The following ABHD2 variants were observed in gnomAD, a reference collection of about 807,000 sequenced individuals.
ABHD2 encodes monoacylglycerol lipase ABHD2.
A neutral mutation model predicts 48.1 loss-of-function variants in ABHD2; 20 were observed. The ratio of observed to expected loss-of-function variants is 0.42; its 90% CI spans 0.29 to 0.60. The LOEUF (loss-of-function observed/expected upper bound fraction) is 0.60. Among genes scored for constraint, ABHD2 ranks in the 20% least tolerant of loss-of-function variants. The pLI is 0.24. For synonymous variants in ABHD2, 209 were observed against 214.2 expected, an observed-to-expected ratio of 0.98 and a Z score of 0.21; for missense variants, 405 against 550.9, an observed-to-expected ratio of 0.74 and a Z score of 2.65.
rs984491786 is a variant in ABHD2 at position 89,176,120 on chromosome 15, A to C, written c.722+125A>C. ...GTGGCCGACTGAGTAGAAGTTTCTG[A>C]GTCTTGGACTCACCTTGTTTTGTCT... On this transcript the variant is annotated intron_variant, in intron 6 of 10. Transcript: ENST00000352732. This position sits in a 1 kb window ranked among gnomAD's most constrained non-coding sequence, Gnocchi z 4.5. 30 of 1,034,848 alleles carry C rather than the reference A, an allele frequency of 2.9e-5. No individual in the cohort carries two copies. The highest frequency in any genetic ancestry group is 3.8e-5 in the Non-Finnish European group (28 of 727,368). 64.1% of individuals were successfully genotyped at this position (1,034,848 alleles called of 1,614,324 possible).
Position 89,201,106 on chromosome 15 carries a change from G to A in ABHD2, c.*5683G>A. 9.6e-7 allele frequency: 1 copy of A among 1,040,474 alleles called. No individual in the cohort carries two copies. Among genetic ancestry groups the A allele is most frequent in the Non-Finnish European group, 1.5e-6 (1 of 660,498 alleles). 64.5% of individuals were successfully genotyped at this position (1,040,474 alleles called of 1,614,324 possible). On this transcript the variant is annotated 3_prime_UTR_variant, in exon 11 of 11. Transcript: ENST00000352732. ...TCCAAAAAAAGAAAAGGAATCCAGT[G>A]AAAATGGCTGCAATTACAACAAGAA...
In ABHD2 at chr15:89,131,146, C is replaced by T. The variant is rs180718264; in HGVS notation, c.194+14625C>T. On this transcript the variant is annotated intron_variant, in intron 3 of 10. Coordinates refer to ENST00000352732, the MANE Select transcript of ABHD2 (RefSeq NM_152924.5). ...TTCCTAAAGCACAAATTCATCATGC[C>T]ATGCCCCTGCTTTAAACCAAGTGGC... Among the ~76,000 whole-genome samples the T allele has an allele frequency of 3.3e-5, 5 of 152,314 alleles. No homozygotes were observed. In the East Asian group the frequency reaches 9.6e-4, roughly 29 times the overall value.
chr15:89,157,820 G>A (rs566468466), intron 5 of ABHD2, among the ~76,000 whole-genome samples: 88 of 152,086 alleles, frequency 5.8e-4, no homozygotes, highest in African/African-American at 2.1e-3. Flanking sequence ...TCCAGCCTTG[G>A]TGACAGAGTG....
At chr15:89,079,831 C>T in the ABHD2 span, among the ~76,000 whole-genome samples, 1 of 152,134 alleles carries the variant, frequency 6.6e-6, no homozygotes, top group African/African-American at 2.4e-5. The surrounding 1 kb of genome is among the most constrained non-coding windows in gnomAD (Gnocchi z 4.3). Context: ...TAGGTGAAGC[C>T]GAGAACACGG....
At chr15:89,115,267 A>G (rs543001724) in intron 2 of ABHD2, among the ~76,000 whole-genome samples, 3 of 152,158 alleles carry the variant, frequency 2.0e-5, no homozygotes, top group South Asian at 4.2e-4. Context: ...TTTAAGGTTA[A>G]CAGCTGATGT....
the ABHD2 span, among the ~76,000 whole-genome samples, chr15:89,068,191 C>T: frequency 1.9e-3 from 104 of 54,002 alleles, no homozygotes; most frequent in Non-Finnish European, 3.1e-3. Flanking sequence ...CACACATGTG[C>T]GCGTGCACAC....
rs556426311 is a variant in ABHD2 at position 89,189,539 on chromosome 15, C to G, written c.926+1236C>G. Among the ~76,000 whole-genome samples, 1 of 152,314 alleles carries G rather than the reference C, an allele frequency of 6.6e-6. No individual in the cohort carries two copies. The highest frequency in any genetic ancestry group is 2.1e-4 in the South Asian group (1 of 4,830). On this transcript the variant is annotated intron_variant, in intron 8 of 10. Coordinates refer to ENST00000352732, the MANE Select transcript of ABHD2 (RefSeq NM_152924.5). This position sits in a 1 kb window ranked among gnomAD's most constrained non-coding sequence, Gnocchi z 4.9. ...AATTATTTGATATTTTTAGATGTAG[C>G]TTAAAGCAAGCAATTATTCTTCATC...
rs538148236 is a variant in ABHD2, at chr15:89,177,296, C to T, written c.722+1301C>T. On this transcript the variant is annotated intron_variant, in intron 6 of 10. Coordinates refer to ENST00000352732, the MANE Select transcript of ABHD2 (RefSeq NM_152924.5). This position sits in a 1 kb window ranked among gnomAD's most constrained non-coding sequence, Gnocchi z 5.6. The stretch of plus-strand genomic sequence containing the variant: ...AGCACGCAGAACGTAAGCCACTGTT[C>T]ATTTTCATTATCGTCATCATCGTCA... Among the ~76,000 whole-genome samples, 4 of 152,320 alleles carry T rather than the reference C, an allele frequency of 2.6e-5. No homozygotes were observed. In the South Asian group the frequency reaches 8.3e-4, roughly 32 times the overall value.
chr15:89,116,218 C>A lies in ABHD2; in HGVS notation c.-6-104C>A. The A allele has an allele frequency of 9.4e-7, 1 of 1,068,040 alleles. No homozygotes were observed. The highest frequency in any genetic ancestry group is 1.4e-6 in the Non-Finnish European group (1 of 731,506). The allele number at this position is 1,068,040 out of a possible 1,614,324, so 66.2% of individuals were successfully genotyped here. ...GCGGAAACATCTGAATTGTGACACA[C>A]CGTCACTGGCAGTATCTCTTAGCCC... On this transcript the variant is annotated intron_variant, in intron 2 of 10. Transcript: ENST00000352732. The surrounding 1 kb of genome is among the most constrained non-coding windows in gnomAD (Gnocchi z 4.6).
intron 1 of ABHD2, chr15:89,103,959 G>A (rs1159164945): frequency 6.6e-6 from 1 of 152,224 alleles, no homozygotes; most frequent in Non-Finnish European, 1.5e-5. Context: ...TGTCTCCTAA[G>A]ACTTGGTCAC....
intron 1 of ABHD2, among the ~76,000 whole-genome samples, chr15:89,107,365 A>T (rs975111812): frequency 6.6e-6 from 1 of 152,122 alleles, no homozygotes; most frequent in Admixed American, 6.5e-5. Flanking sequence ...TTTTAAACTC[A>T]TTGGAGGAGG....
In ABHD2 at chr15:89,106,974, T is replaced by G. The variant is rs1021916077; in HGVS notation, c.-106-6751T>G. On this transcript the variant is annotated intron_variant, in intron 1 of 10. Coordinates refer to ENST00000352732, the MANE Select transcript of ABHD2 (RefSeq NM_152924.5). This position sits in a 1 kb window ranked among gnomAD's most constrained non-coding sequence, Gnocchi z 4.2. The stretch of plus-strand genomic sequence containing the variant: ...AGACCATGTTTTTGGGGTGGTGTGC[T>G]GTGGCCTTCTGCTGTCCTTCTCCTG... Among the ~76,000 whole-genome samples the G allele has an allele frequency of 6.6e-6, 1 of 152,200 alleles. No homozygotes were observed. Among genetic ancestry groups the G allele is most frequent in the Non-Finnish European group, 1.5e-5 (1 of 68,026 alleles).
chr15:89,201,104 G>T lies in ABHD2; in HGVS notation c.*5681G>T, dbSNP rs2150964549. 9.7e-7 allele frequency: 1 copy of T among 1,031,304 alleles called. No homozygotes were observed. The highest frequency in any genetic ancestry group is 1.5e-6 in the Non-Finnish European group (1 of 651,550). 63.9% of individuals were successfully genotyped at this position (1,031,304 alleles called of 1,614,324 possible). A position where few individuals can be genotyped will look rare whatever the true frequency, so the allele number is the denominator to read the frequency against. ...TCTCCAAAAAAAGAAAAGGAATCCA[G>T]TGAAAATGGCTGCAATTACAACAAG... On this transcript the variant is annotated 3_prime_UTR_variant, in exon 11 of 11. Coordinates refer to ENST00000352732, the MANE Select transcript of ABHD2 (RefSeq NM_152924.5).
chr15:89,099,755 T>C (rs1369360443), intron 1 of ABHD2, among the ~76,000 whole-genome samples: 1 of 151,680 alleles, frequency 6.6e-6, no homozygotes, highest in Admixed American at 6.6e-5. Flanking sequence ...AATATAAAAC[T>C]AAGCTGGGCA....
chr15:89,193,198 A>G (rs762945395), intron 9 of ABHD2, 37 bp from the exon 10 acceptor site: 2 of 1,595,064 alleles, frequency 1.3e-6, no homozygotes, highest in East Asian at 4.5e-5. Context: ...GAAAATGGGA[A>G]TCAGTAGTTT....
At chr15:89,043,098 T>C in the ABHD2 span, among the ~76,000 whole-genome samples, 2 of 152,206 alleles carry the variant, frequency 1.3e-5, no homozygotes, top group African/African-American at 4.8e-5. Context: ...CCCTTCACCA[T>C]TCTGACAAAT....
At chr15:89,086,509 G>T (rs1187776804), upstream of ABHD2, among the ~76,000 whole-genome samples, 3 of 151,988 alleles carry the variant, frequency 2.0e-5, no homozygotes, top group South Asian at 2.1e-4. Flanking sequence ...CAACTTCCTG[G>T]GCTCAAACAA....
chr15:89,057,850 A>C, the ABHD2 span, among the ~76,000 whole-genome samples: 1 of 152,126 alleles, frequency 6.6e-6, no homozygotes, highest in Admixed American at 6.5e-5. Flanking sequence ...AAGAAAACGA[A>C]GATAGATTCA....
the ABHD2 span, among the ~76,000 whole-genome samples, chr15:89,060,291 A>G: frequency 6.6e-6 from 1 of 151,518 alleles, no homozygotes; most frequent in Non-Finnish European, 1.5e-5. Flanking sequence ...GGGTTTCACC[A>G]TATTAGTCAG....
Sources: allele counts gnomAD v4.1 joint callset (sites outside exome capture counted in the v4.1 genomes callset), GRCh38; gene constraint gnomAD v4.1.1; non-coding constraint Gnocchi (gnomAD v3.1); transcripts MANE v1.5; gene names NCBI Gene and HGNC (gene_info 2026-07-23, HGNC 2026-07-21).